The following CLSTN2 variants were observed in gnomAD, a reference collection of about 807,000 sequenced individuals.
CLSTN2 encodes calsyntenin 2.
CLSTN2 carries 48 observed loss-of-function variants against 101.2 expected under a neutral mutation model. The observed-to-expected ratio is 0.47, with a 90% CI of 0.38 to 0.60. The LOEUF (loss-of-function observed/expected upper bound fraction) is 0.60, where lower values mean the gene tolerates loss of function less well. Ranked by LOEUF, CLSTN2 falls within the 20% of genes least tolerant of loss-of-function variation. The probability of loss-of-function intolerance (pLI) is 0.00; values close to 1 mark genes in which losing one functional copy is unlikely to be tolerated. For synonymous variants in CLSTN2, 481 were observed against 463.6 expected, an observed-to-expected ratio of 1.04 and a Z score of -0.48; for missense variants, 1,160 against 1,238.2, an observed-to-expected ratio of 0.94 and a Z score of 0.95.
At chr3:140,214,177 C>A (rs547124986) in intron 2 of CLSTN2, among the ~76,000 whole-genome samples, 5 of 152,070 alleles carry the variant, frequency 3.3e-5, no homozygotes, top group South Asian at 2.1e-4. Context: ...TGGTGGCTCA[C>A]GCCTGTAATC....
chr3:140,317,736 T>C (rs889729303), intron 2 of CLSTN2, among the ~76,000 whole-genome samples: 8 of 152,236 alleles, frequency 5.3e-5, no homozygotes, highest in Admixed American at 3.9e-4. Context: ...TTGGAATTCA[T>C]ATTAAAGATG....
At chr3:140,524,748 C>G (rs887775181) in intron 8 of CLSTN2, among the ~76,000 whole-genome samples, 3 of 152,178 alleles carry the variant, frequency 2.0e-5, no homozygotes, top group Non-Finnish European at 4.4e-5. Context: ...ACTAAGCACA[C>G]TCTCAAGACT....
At chr3:140,271,145 G>A (rs2086738295) in intron 2 of CLSTN2, among the ~76,000 whole-genome samples, 1 of 152,126 alleles carries the variant, frequency 6.6e-6, no homozygotes, top group East Asian at 1.9e-4. Flanking sequence ...CCAGTCAAAT[G>A]GATTTAGAGC....
intron 1 of CLSTN2, among the ~76,000 whole-genome samples, chr3:140,070,380 G>A (rs953573628): frequency 2.6e-5 from 4 of 152,160 alleles, no homozygotes; most frequent in African/African-American, 7.2e-5. Flanking sequence ...CTCATTATAA[G>A]CCTTGTATTA....
At chr3:140,260,433 C>A (rs2107882479) in intron 2 of CLSTN2, among the ~76,000 whole-genome samples, 1 of 151,942 alleles carries the variant, frequency 6.6e-6, no homozygotes, top group Middle Eastern at 3.4e-3. Context: ...CCAACTGCTC[C>A]TAAAGGAGGG....
At chr3:140,559,335 G>A (rs1396641015) in intron 12 of CLSTN2, among the ~76,000 whole-genome samples, 1 of 151,980 alleles carries the variant, frequency 6.6e-6, no homozygotes, top group African/African-American at 2.4e-5. Context: ...CAGAAGAAAA[G>A]CTAAAGATAT....
chr3:140,553,461 C>T (rs1020636759), intron 10 of CLSTN2, among the ~76,000 whole-genome samples: 7 of 152,140 alleles, frequency 4.6e-5, no homozygotes, highest in Admixed American at 2.0e-4. Context: ...ATATTACAGT[C>T]CACAAAGCCC....
intron 1 of CLSTN2, among the ~76,000 whole-genome samples, chr3:140,075,274 A>C (rs1326673919): frequency 6.6e-6 from 1 of 151,872 alleles, no homozygotes; most frequent in African/African-American, 2.4e-5. Context: ...TGGATGTTTC[A>C]GTGCACTAAT....
At chr3:140,429,817 T>A (rs571448148) in intron 5 of CLSTN2, among the ~76,000 whole-genome samples, 2 of 152,260 alleles carry the variant, frequency 1.3e-5, no homozygotes, top group African/African-American at 4.8e-5. Context: ...CAAGGTTAGA[T>A]TTGCAGGCAA....
intron 2 of CLSTN2, among the ~76,000 whole-genome samples, chr3:140,254,170 G>A (rs961272610): frequency 3.3e-5 from 5 of 152,160 alleles, no homozygotes; most frequent in Non-Finnish European, 5.9e-5. Context: ...TCTGAGAAGA[G>A]ATGCAGATCC....
intron 9 of CLSTN2, among the ~76,000 whole-genome samples, chr3:140,544,624 G>A (rs1300946312): frequency 2.0e-5 from 3 of 152,014 alleles, no homozygotes; most frequent in Non-Finnish European, 4.4e-5. Flanking sequence ...GGCTACTGAG[G>A]ACATAAACAC....
In CLSTN2 at chr3:140,530,377, T is replaced by C. The variant is rs562818218; in HGVS notation, c.1345-1947T>C. ...AGAAAAGTTCTATTTTTCAGTAAGG[T>C]TGAAAAGTTATTATAGTTTGAGAAT... On this transcript the variant is annotated intron_variant, in intron 8 of 16. Coordinates refer to ENST00000458420, the MANE Select transcript of CLSTN2 (RefSeq NM_022131.3). Among the ~76,000 whole-genome samples, 4 of 152,280 alleles carry C rather than the reference T, an allele frequency of 2.6e-5. No individual in the cohort carries two copies. In the South Asian group the frequency reaches 8.3e-4, roughly 32 times the overall value.
intron 8 of CLSTN2, among the ~76,000 whole-genome samples, chr3:140,485,926 C>T (rs1407842513): frequency 3.3e-5 from 5 of 152,150 alleles, no homozygotes; most frequent in East Asian, 1.9e-4. Context: ...CGATGCCTCA[C>T]CCTGCTTCGG....
chr3:140,416,750 A>G (rs1346837005), intron 4 of CLSTN2, among the ~76,000 whole-genome samples: 1 of 152,252 alleles, frequency 6.6e-6, no homozygotes, highest in Non-Finnish European at 1.5e-5. Context: ...CCACTCAGCC[A>G]TGTTAGAGAA....
In CLSTN2 at chr3:140,454,949, CA is replaced by C. The variant is rs563160387; in HGVS notation, c.974-4571del. On this transcript the variant is annotated intron_variant, in intron 6 of 16. Coordinates refer to ENST00000458420, the MANE Select transcript of CLSTN2 (RefSeq NM_022131.3). ...CACAAAGTCCCAGCAGTCCATACGG[CA>C]CTTGTCAAGAGGGCCTCCCTCACTT... is the stretch of plus-strand genomic sequence containing the variant. Among the ~76,000 whole-genome samples, 9 of 150,930 alleles carry C rather than the reference CA, an allele frequency of 6.0e-5. No individual in the cohort carries two copies. In the East Asian group the frequency reaches 1.7e-3, roughly 29 times the overall value.
intron 5 of CLSTN2, among the ~76,000 whole-genome samples, chr3:140,434,034 G>A (rs2088663591): frequency 1.3e-5 from 2 of 152,170 alleles, no homozygotes; most frequent in South Asian, 4.1e-4. Context: ...TGACCCAGTG[G>A]AGGGCAGCCC....
chr3:140,491,795 C>G (rs754132415), intron 8 of CLSTN2, among the ~76,000 whole-genome samples: 8 of 152,168 alleles, frequency 5.3e-5, no homozygotes, highest in Non-Finnish European at 8.8e-5. Flanking sequence ...GCACTCCAGC[C>G]TGGGCAACTG....
Position 140,558,681 on chromosome 3 carries a change from A to AT in CLSTN2, c.1866dup (p.Ala623CysfsTer29). 1 of 1,613,968 alleles carries AT rather than the reference A, an allele frequency of 6.2e-7. No individual in the cohort carries two copies. Among genetic ancestry groups the AT allele is most frequent in the Non-Finnish European group, 8.5e-7 (1 of 1,179,990 alleles). On this transcript the variant is annotated frameshift_variant, in exon 12 of 17. Transcript: ENST00000458420. LOFTEE classifies it high-confidence loss of function. The stretch of plus-strand genomic sequence containing the variant: ...GTATGCATCAGTATCCCTGAGGTAG[A>AT]TGCCTATGTGATGGTCCTCCAGGCC...
At chr3:140,136,511 C>T (rs555248950) in intron 1 of CLSTN2, among the ~76,000 whole-genome samples, 55 of 152,256 alleles carry the variant, frequency 3.6e-4, no homozygotes, top group African/African-American at 1.0e-3. Flanking sequence ...TTTTATTATG[C>T]GGTCTGTGGT....
Sources: allele counts gnomAD v4.1 joint callset (sites outside exome capture counted in the v4.1 genomes callset), GRCh38; gene constraint gnomAD v4.1.1; transcripts MANE v1.5; gene names NCBI Gene and HGNC (gene_info 2026-07-23, HGNC 2026-07-21).